PCDH15: variants seen among roughly 807,000 people sequenced by gnomAD.
The protein encoded by PCDH15 is protocadherin related 15, also known as protocadherin-15.
Under a neutral mutation model 178.5 loss-of-function variants are expected in PCDH15, and 129 were observed. The observed-to-expected ratio is 0.72, with a 90% CI of 0.63 to 0.84. PCDH15 has a LOEUF of 0.84. Among genes scored for constraint, PCDH15 ranks in the 40% least tolerant of loss-of-function variants. The probability of loss-of-function intolerance (pLI) is 0.00; values close to 1 mark genes in which losing one functional copy is unlikely to be tolerated. For synonymous variants in PCDH15, 800 were observed against 732.0 expected, an observed-to-expected ratio of 1.09 and a Z score of -1.50; for missense variants, 2,230 against 2,099.9, an observed-to-expected ratio of 1.06 and a Z score of -1.21.
At chr10:55,389,526 G>A (rs576960290) in intron 2 of PCDH15, among the ~76,000 whole-genome samples, 1 of 152,186 alleles carries the variant, frequency 6.6e-6, no homozygotes, top group South Asian at 2.1e-4. Context: ...GCAGTCTCGA[G>A]TTAAAAATAG....
At chr10:54,079,445 CAAAT>C (rs2094401187) in intron 16 of PCDH15, 21 bp from the exon 17 acceptor site, 1 of 1,590,760 alleles carries the variant, frequency 6.3e-7, no homozygotes, top group Non-Finnish European at 8.6e-7. Flanking sequence ...AACAAACAAA[CAAAT>C]AAGACAAAAA....
At position 55,406,068 on chromosome 10, in the gene PCDH15, T is replaced by TAA. The variant is rs34959833; in HGVS notation, c.-156+221555_-156+221556dup. Reference sequence around the variant, plus strand: ...ATCTAGTTGGCAGCATGTTCCCATCTAAAAAAAAAAAGGCATAAAGCAGCA... The same window carrying TAA: ...ATCTAGTTGGCAGCATGTTCCCATCTAAAAAAAAAAAAAGGCATAAAGCAGCA... On this transcript the variant is annotated intron_variant, in intron 2 of 5. Transcript: ENST00000613346. Among the ~76,000 whole-genome samples, 1,123 of 143,766 alleles carry TAA rather than the reference T, an allele frequency of 7.8e-3. 14 individuals are homozygous for TAA. Among genetic ancestry groups the TAA allele is most frequent in the African/African-American group, 0.025 (991 of 39,028 alleles). 94.3% of individuals were successfully genotyped at this position (143,766 alleles called of 152,430 possible).
intron 1 of PCDH15, among the ~76,000 whole-genome samples, chr10:55,297,216 G>A (rs1332882697): frequency 1.3e-5 from 2 of 151,910 alleles, no homozygotes; most frequent in East Asian, 3.9e-4. Flanking sequence ...GAGAGAGATT[G>A]GAAGTGATAA....
intron 2 of PCDH15, among the ~76,000 whole-genome samples, chr10:55,502,406 A>G (rs1322507820): frequency 6.6e-6 from 1 of 151,498 alleles, no homozygotes; most frequent in Non-Finnish European, 1.5e-5. Context: ...GCTTCCATCA[A>G]TTTTCTGAAT....
chr10:54,781,389 C>A (rs1457093042), intron 1 of PCDH15, among the ~76,000 whole-genome samples: 1 of 152,082 alleles, frequency 6.6e-6, no homozygotes, highest in African/African-American at 2.4e-5. Flanking sequence ...AAATTTAATA[C>A]ATCTATGTAG....
intron 2 of PCDH15, among the ~76,000 whole-genome samples, chr10:55,522,258 C>A (rs1029516081): frequency 7.2e-5 from 11 of 151,832 alleles, no homozygotes; most frequent in African/African-American, 2.4e-4. Context: ...TGGGATATCT[C>A]ACTATGGTTT....
intron 2 of PCDH15, among the ~76,000 whole-genome samples, chr10:55,492,713 C>A (rs543251015): frequency 6.6e-6 from 1 of 151,700 alleles, no homozygotes; most frequent in East Asian, 2.0e-4. Flanking sequence ...ATAGGTATGG[C>A]CTTTGAAGAA....
intron 10 of PCDH15, among the ~76,000 whole-genome samples, chr10:54,204,978 G>C (rs867236930): frequency 2.6e-5 from 4 of 152,126 alleles, no homozygotes; most frequent in Admixed American, 1.3e-4. Context: ...TGTATCTGCT[G>C]TATTGCTTAT....
intron 2 of PCDH15, among the ~76,000 whole-genome samples, chr10:55,381,024 C>T (rs575064826): frequency 6.6e-6 from 1 of 152,212 alleles, no homozygotes; most frequent in African/African-American, 2.4e-5. Flanking sequence ...TAAGGATTTC[C>T]TAATGTCCAA....
chr10:55,345,161 A>C (rs35683124), intron 2 of PCDH15, among the ~76,000 whole-genome samples: 15,028 of 150,832 alleles, frequency 0.1, 800 homozygotes, highest in Non-Finnish European at 0.11. Context: ...CTCTCTCTAT[A>C]TATATATATA....
intron 11 of PCDH15, among the ~76,000 whole-genome samples, chr10:54,186,685 C>A (rs993686365): frequency 2.0e-5 from 3 of 151,750 alleles, no homozygotes; most frequent in African/African-American, 7.3e-5. Flanking sequence ...ATAAAATGAT[C>A]AAAAATATTG....
At chr10:54,122,022 C>G (rs1424519967) in intron 15 of PCDH15, among the ~76,000 whole-genome samples, 3 of 150,560 alleles carry the variant, frequency 2.0e-5, no homozygotes, top group Non-Finnish European at 3.0e-5. Context: ...CACACACACA[C>G]ACACACACAC....
intron 2 of PCDH15, among the ~76,000 whole-genome samples, chr10:54,651,892 T>C (rs1021960146): frequency 6.6e-6 from 1 of 151,772 alleles, no homozygotes; most frequent in Admixed American, 6.6e-5. Flanking sequence ...TTCCTACAAA[T>C]GCAATGTGAC....
At chr10:54,337,827 T>C (rs1941480948) in intron 6 of PCDH15, among the ~76,000 whole-genome samples, 1 of 152,184 alleles carries the variant, frequency 6.6e-6, no homozygotes, top group African/African-American at 2.4e-5. Context: ...TTCATTTGGA[T>C]GAAGACAGCT....
intron 2 of PCDH15, among the ~76,000 whole-genome samples, chr10:55,161,845 C>T (rs1428526386): frequency 2.6e-5 from 4 of 152,070 alleles, no homozygotes. Flanking sequence ...AAATGATTTG[C>T]AGGTTTCTCT....
At chr10:54,671,861 A>C (rs2094680761) in intron 1 of PCDH15, among the ~76,000 whole-genome samples, 1 of 152,180 alleles carries the variant, frequency 6.6e-6, no homozygotes, top group Admixed American at 6.5e-5. Context: ...TCAGGGGTTC[A>C]GTACTGGTCC....
Position 53,828,207 on chromosome 10 carries a change from C to CAAAAAAAAA in PCDH15, c.4211+349_4211+357dup, listed in dbSNP as rs71004480. On this transcript the variant is annotated intron_variant, in intron 31 of 37. Transcript: ENST00000644397. ...GCCAACAAGAGCAAAAAGTCCGTCT[C>CAAAAAAAAA]AAAAAAAAAAAAAAAAAAAAAAAAA... 1.0e-3 allele frequency among the ~76,000 whole-genome samples: 54 copies of CAAAAAAAAA among 53,770 alleles called. 2 individuals carry two copies. Among genetic ancestry groups the CAAAAAAAAA allele is most frequent in the African/African-American group, 3.6e-3 (50 of 13,892 alleles). 35.3% of individuals were successfully genotyped at this position (53,770 alleles called of 152,430 possible). A position where few individuals can be genotyped will look rare whatever the true frequency, so the allele number is the denominator to read the frequency against.
chr10:54,289,409 CA>C (rs1459021802), intron 8 of PCDH15, among the ~76,000 whole-genome samples: 2 of 152,136 alleles, frequency 1.3e-5, no homozygotes, highest in South Asian at 4.1e-4. Context: ...CATCAAAGAC[CA>C]AAGGTAGATA....
chr10:54,959,324 G>A (rs1256018438), intron 2 of PCDH15, among the ~76,000 whole-genome samples: 1 of 151,734 alleles, frequency 6.6e-6, no homozygotes, highest in African/African-American at 2.4e-5. Flanking sequence ...AAATGAGAGA[G>A]GAAATTACAC....
Sources: gnomAD v4.1 joint callset for allele counts (sites outside exome capture counted in the v4.1 genomes callset) on GRCh38, gnomAD v4.1.1 for gene constraint, MANE v1.5 for transcripts, NCBI Gene and HGNC (gene_info 2026-07-23, HGNC 2026-07-21) for gene names.